Variants in DOP1A observed in about 807,000 individuals in gnomAD.
DOP1A encodes protein DOP1A.
DOP1A carries 90 observed loss-of-function variants against 267.6 expected under a neutral mutation model. That is an observed-to-expected ratio of 0.34 (90% CI 0.28 to 0.40). The LOEUF is 0.40. Ranked by LOEUF, DOP1A falls within the 10% of genes least tolerant of loss-of-function variation. The pLI, the probability that DOP1A is intolerant of heterozygous loss-of-function variation, is 1.00. For missense variants in DOP1A, 2,437 were observed against 2,900.4 expected (o/e 0.84, Z 3.67); for synonymous variants, 932 against 999.1 (o/e 0.93, Z 1.27).
Position 83,119,764 on chromosome 6 carries a change from T to A in DOP1A, c.897T>A (p.Gly299=). The A allele has an allele frequency of 6.2e-7, 1 of 1,612,560 alleles. No homozygotes were observed. The highest frequency in any genetic ancestry group is 8.5e-7 in the Non-Finnish European group (1 of 1,179,032). ...YAWLLGFDNN[G]AIIGPRSTRH... Reference sequence around the variant, plus strand: ...TCCATGGAGGTTTTGATAACAACGGTGCTATCATAGGACCCAGAAGCACAA... The same window carrying A: ...TCCATGGAGGTTTTGATAACAACGGAGCTATCATAGGACCCAGAAGCACAA... The change falls in exon 9 of 39, where the codon GGT becomes GGA. Residue 299 remains glycine (G), a synonymous_variant. Coordinates refer to ENST00000349129, the MANE Select transcript of DOP1A (RefSeq NM_015018.4).
Position 83,157,513 on chromosome 6 carries a change from G to T in DOP1A, c.6741+195G>T, listed in dbSNP as rs1332093758. Among the ~76,000 whole-genome samples the T allele has an allele frequency of 2.0e-5, 3 of 152,148 alleles. No homozygotes were observed. The East Asian group carries it at 5.8e-4, about 29-fold the overall frequency. ...CCATACAGCTTAAATTTACAAACATGCAACATAGATGGATGGCCAGCTCCT... is the reference window on the plus strand; with the variant it reads ...CCATACAGCTTAAATTTACAAACATTCAACATAGATGGATGGCCAGCTCCT... On this transcript the variant is annotated intron_variant, in intron 35 of 38. Transcript: ENST00000349129.
At chr6:83,105,885 ATTC>A (rs1038500014) in intron 4 of DOP1A, among the ~76,000 whole-genome samples, 33 of 152,338 alleles carry the variant, frequency 2.2e-4, no homozygotes, top group African/African-American at 7.7e-4. Context: ...CAACACAGTT[ATTC>A]TTCAGTTGTA....
chr6:83,084,163 C>A (rs769264302), intron 1 of DOP1A, among the ~76,000 whole-genome samples: 16 of 152,122 alleles, frequency 1.1e-4, no homozygotes, highest in South Asian at 2.1e-4. Context: ...AATGATGGCC[C>A]ACCTATGTAA....
intron 37 of DOP1A, among the ~76,000 whole-genome samples, chr6:83,160,340 G>A (rs1783940503): frequency 6.6e-6 from 1 of 152,220 alleles, no homozygotes; most frequent in Non-Finnish European, 1.5e-5. Flanking sequence ...ACCTGAGGTG[G>A]TGAAGAATGA....
chr6:83,083,526 G>A (rs1397348008), intron 1 of DOP1A, among the ~76,000 whole-genome samples: 1 of 151,878 alleles, frequency 6.6e-6, no homozygotes, highest in African/African-American at 2.4e-5. Flanking sequence ...GTGGCACCTT[G>A]AACACTAATT....
chr6:83,137,341 A>T lies in DOP1A; in HGVS notation c.3299A>T (p.Asp1100Val), dbSNP rs1409599223. 6.2e-7 allele frequency: 1 copy of T among 1,613,800 alleles called. No individual in the cohort carries two copies. The highest frequency in any genetic ancestry group is 2.2e-5 in the East Asian group (1 of 44,858). The change falls in exon 21 of 39, where the codon GAC becomes GTC. Residue 1100 changes from aspartate (D) to valine (V), a missense_variant. By Grantham distance (152) the Asp-to-Val change is radical. Transcript: ENST00000349129. The part of the protein sequence containing the change: ...PMVVSDFDLP[D>V]QQIEILQSSD... The stretch of plus-strand genomic sequence containing the variant: ...GTTGTGTCTGATTTTGATCTTCCAG[A>T]CCAACAGATAGAAATACTTCAGAGT...
chr6:83,128,702 C>T (rs924063934), intron 15 of DOP1A, among the ~76,000 whole-genome samples, 185 bp from the exon 16 acceptor site: 3 of 152,058 alleles, frequency 2.0e-5, no homozygotes, highest in Non-Finnish European at 4.4e-5. Context: ...CTTATGTATG[C>T]TGTGTGTGTA....
Position 83,104,767 on chromosome 6 carries a change from T to C in DOP1A, c.320+3881T>C, listed in dbSNP as rs537497659. Reference sequence around the variant, plus strand: ...GCCTAAAGTTCTTAATATACTGTTATCTTTGTAGCATGTAGGATCTATAGT... The same window carrying C: ...GCCTAAAGTTCTTAATATACTGTTACCTTTGTAGCATGTAGGATCTATAGT... On this transcript the variant is annotated intron_variant, in intron 4 of 38. Transcript: ENST00000349129. Among the ~76,000 whole-genome samples the C allele has an allele frequency of 4.6e-5, 7 of 152,254 alleles. No individual in the cohort carries two copies. The East Asian group carries it at 1.2e-3, about 25-fold the overall frequency.
intron 24 of DOP1A, 110 bp from the exon 25 acceptor site, chr6:83,145,414 C>T: frequency 9.9e-7 from 1 of 1,005,132 alleles, no homozygotes; most frequent in Non-Finnish European, 1.4e-6. Context: ...AAGACCTCAT[C>T]TCCATTTAAA....
rs1562388969 is a variant in DOP1A at position 83,162,858 on chromosome 6, A to G, written c.7031A>G (p.His2344Arg). 1.2e-6 allele frequency: 2 copies of G among 1,613,572 alleles called. No individual in the cohort carries two copies. The highest frequency in any genetic ancestry group is 1.3e-5 in the African/African-American group (1 of 74,900). ...SGLEVRRQGI[H>R]QREFKPYVVR... ...TTGGAAGTCAGAAGGCAGGGTATAC[A>G]TCAACGAGAATTTAAACCTTACGTG... Residue 2344 changes from histidine to arginine, a missense_variant, in exon 38 of 39, where the codon CAT becomes CGT. Transcript: ENST00000349129.
At chr6:83,119,037 T>G (rs759575193) in intron 8 of DOP1A, 50 bp downstream of exon 8, 1 of 1,503,952 alleles carries the variant, frequency 6.6e-7, no homozygotes, top group East Asian at 2.3e-5. Context: ...TGGAGGGAGA[T>G]TTGTCATGTA....
intron 30 of DOP1A, 37 bp from the exon 31 acceptor site, chr6:83,153,474 C>G (rs781766543): frequency 1.7e-5 from 24 of 1,392,502 alleles, no homozygotes; most frequent in Non-Finnish European, 2.2e-5. Flanking sequence ...GTCAGTTTCA[C>G]CTCATATGTT....
intron 33 of DOP1A, among the ~76,000 whole-genome samples, chr6:83,155,018 C>T (rs911896000): frequency 2.0e-5 from 3 of 152,070 alleles, no homozygotes; most frequent in Non-Finnish European, 4.4e-5. Context: ...ATTGCGCTAA[C>T]CTTAATCAAA....
At chr6:83,082,747 T>C (rs1768346361) in intron 1 of DOP1A, among the ~76,000 whole-genome samples, 2 of 152,196 alleles carry the variant, frequency 1.3e-5, no homozygotes, top group African/African-American at 4.8e-5. Context: ...AAACATTATA[T>C]TGTACATAAT....
chr6:83,142,872 T>G (rs1779882735), intron 24 of DOP1A, among the ~76,000 whole-genome samples: 2 of 152,190 alleles, frequency 1.3e-5, no homozygotes, highest in Admixed American at 6.5e-5. Context: ...ATGCTCTATA[T>G]TGAAAACAAA....
At chr6:83,122,187 A>C (rs1399443973) in intron 11 of DOP1A, 137 bp downstream of exon 11, 15 of 913,500 alleles carry the variant, frequency 1.6e-5, no homozygotes, top group Non-Finnish European at 2.4e-5. Flanking sequence ...ATACTAGTAA[A>C]GCTGATTTAA....
At chr6:83,145,782 G>A (rs1256694792) in intron 25 of DOP1A, 124 bp downstream of exon 25, 5 of 804,224 alleles carry the variant, frequency 6.2e-6, no homozygotes, top group Non-Finnish European at 9.5e-6. Context: ...ACTGCATGTG[G>A]CCCTCACACT....
chr6:83,140,090 T>A lies in DOP1A; in HGVS notation c.5211T>A (p.Asp1737Glu). The A allele has an allele frequency of 6.2e-7, 1 of 1,613,372 alleles. No homozygotes were observed. The highest frequency in any genetic ancestry group is 8.5e-7 in the Non-Finnish European group (1 of 1,179,464). ...ITAIIHYCLL[D>E]PTTQYHQLLV... ...CCATTATCCATTACTGTTTGTTGGA[T>A]CCAACTACACAGTATCACCAAGTAA... The change falls in exon 22 of 39, where the codon GAT becomes GAA. Residue 1737 changes from aspartate to glutamate, a missense_variant. Asp to Glu is a conservative substitution (Grantham distance 45). This residue lies in a region of DOP1A where 307 missense variants were observed against 308.6 expected (regional missense o/e 0.99). Transcript: ENST00000349129.
At chr6:83,163,579 T>A (rs1476358937) in intron 38 of DOP1A, among the ~76,000 whole-genome samples, 1 of 152,204 alleles carries the variant, frequency 6.6e-6, no homozygotes, top group African/African-American at 2.4e-5. Flanking sequence ...ATTTTTCACT[T>A]TCTGATTATA....
Sources: allele counts gnomAD v4.1 joint callset (sites outside exome capture counted in the v4.1 genomes callset), GRCh38; gene constraint gnomAD v4.1.1; regional missense constraint gnomAD v4.1.1; transcripts MANE v1.5; gene names NCBI Gene and HGNC (gene_info 2026-07-23, HGNC 2026-07-21).